LHFPL2: variants seen among roughly 807,000 people sequenced by gnomAD.
LHFPL2 encodes the protein LHFPL tetraspan subfamily member 2 protein.
LHFPL2 carries 7 observed loss-of-function variants against 17.5 expected under a neutral mutation model. The observed-to-expected ratio is 0.40, with a 90% CI of 0.23 to 0.75. The LOEUF is 0.75. Among genes scored for constraint, LHFPL2 ranks in the 30% least tolerant of loss-of-function variants. The probability of loss-of-function intolerance (pLI) is 0.37; values close to 1 mark genes in which losing one functional copy is unlikely to be tolerated. For synonymous variants in LHFPL2, 134 were observed against 116.2 expected, an observed-to-expected ratio of 1.15 and a Z score of -0.99; for missense variants, 241 against 294.8, an observed-to-expected ratio of 0.82 and a Z score of 1.34.
intron 2 of LHFPL2, among the ~76,000 whole-genome samples, chr5:78,609,450 C>CAAAAAAAAAAAAAAAA (rs71613975): frequency 3.2e-4 from 13 of 40,682 alleles, no homozygotes; most frequent in African/African-American, 1.1e-3. Context: ...GACTCAGTCT[C>CAAAAAAAAAAAAAAAA]AAAAAAAAAA....
intron 2 of LHFPL2, among the ~76,000 whole-genome samples, chr5:78,591,185 T>G (rs1410877876): frequency 6.6e-6 from 1 of 152,174 alleles, no homozygotes; most frequent in Non-Finnish European, 1.5e-5. Context: ...AATGACTTGG[T>G]GTGTACATGT....
intron 4 of LHFPL2, among the ~76,000 whole-genome samples, chr5:78,508,433 T>C (rs73138147): frequency 0.076 from 11,522 of 152,136 alleles, 1,420 homozygotes; most frequent in African/African-American, 0.25. Context: ...TATTCCCCCA[T>C]GAAAGCAAAT....
Position 78,486,814 on chromosome 5 carries a change from G to A in LHFPL2, c.*2083C>T, listed in dbSNP as rs1754258613. On this transcript the variant is annotated 3_prime_UTR_variant, in exon 5 of 5. Coordinates refer to ENST00000380345, the MANE Select transcript of LHFPL2 (RefSeq NM_005779.3). ...ATGCTCGGAGGATCCTGTGAGCTTA[G>A]GACTTAACTTGTAAGGACACTGAGA... is the stretch of plus-strand genomic sequence containing the variant. The A allele has an allele frequency of 6.6e-6, 1 of 152,148 alleles. No individual in the cohort carries two copies. The highest frequency in any genetic ancestry group is 2.4e-5 in the African/African-American group (1 of 41,422). The allele number at this position is 152,148 out of a possible 1,614,324, so 9.4% of individuals were successfully genotyped here.
rs933569069 is a variant in LHFPL2 at position 78,501,847 on chromosome 5, AAG to A, written c.430+7935_430+7936del. On this transcript the variant is annotated intron_variant, in intron 4 of 4. Coordinates refer to ENST00000380345, the MANE Select transcript of LHFPL2 (RefSeq NM_005779.3). ...AAGTCAAAGGGTTTCCTGGCAATAA[AAG>A]AGTTTTTGTGAATGACTACAGCATC... Among the ~76,000 whole-genome samples the A allele has an allele frequency of 4.7e-4, 72 of 152,214 alleles. 1 individual carries two copies. The highest frequency in any genetic ancestry group is 1.6e-3 in the African/African-American group (67 of 41,456).
In LHFPL2 at chr5:78,526,625, G is replaced by A. The variant is rs146200821; in HGVS notation, c.-185-16227C>T. 5.3e-4 allele frequency among the ~76,000 whole-genome samples: 80 copies of A among 152,286 alleles called. 1 individual carries two copies. In the East Asian group the frequency reaches 0.013, roughly 24 times the overall value. ...AGTGGGCTTGTGCCTAGTGCTTAAG[G>A]CTGCACACTTTAACATTCAACAATG... On this transcript the variant is annotated intron_variant, in intron 3 of 4. Coordinates refer to ENST00000380345, the MANE Select transcript of LHFPL2 (RefSeq NM_005779.3).
chr5:78,566,062 T>C (rs530746537), intron 2 of LHFPL2, among the ~76,000 whole-genome samples: 82 of 152,254 alleles, frequency 5.4e-4, no homozygotes, highest in South Asian at 4.4e-3. Flanking sequence ...GTAATTGGGG[T>C]GTATAAATAT....
Position 78,594,322 on chromosome 5 carries a change from C to G in LHFPL2, c.-244-29451G>C, listed in dbSNP as rs545348378. The stretch of plus-strand genomic sequence containing the variant: ...TAGACATCCTCCGACTCAACTTGGG[C>G]AGGATGTCAGCTAACTGTGTGGCCT... On this transcript the variant is annotated intron_variant, in intron 2 of 4. Transcript: ENST00000380345. Among the ~76,000 whole-genome samples, 34 of 152,314 alleles carry G rather than the reference C, an allele frequency of 2.2e-4. No homozygotes were observed. The East Asian group carries it at 5.8e-3, about 26-fold the overall frequency.
intron 3 of LHFPL2, among the ~76,000 whole-genome samples, chr5:78,539,231 G>C (rs1235619620): frequency 1.3e-5 from 2 of 152,198 alleles, no homozygotes; most frequent in African/African-American, 2.4e-5. Flanking sequence ...CTTGGAAGCG[G>C]ATAGCAGCCC....
chr5:78,496,024 G>A (rs1393096987), intron 4 of LHFPL2, among the ~76,000 whole-genome samples: 2 of 152,078 alleles, frequency 1.3e-5, no homozygotes, highest in East Asian at 3.8e-4. Flanking sequence ...TTGCCTCCCC[G>A]GGAAATGTTT....
At chr5:78,618,510 G>C (rs1377666633) in intron 2 of LHFPL2, among the ~76,000 whole-genome samples, 1 of 152,334 alleles carries the variant, frequency 6.6e-6, no homozygotes, top group East Asian at 1.9e-4. Context: ...GTCCAGATAA[G>C]AACATCCACT....
chr5:78,542,430 T>G (rs1756141034), intron 3 of LHFPL2, among the ~76,000 whole-genome samples: 1 of 152,164 alleles, frequency 6.6e-6, no homozygotes, highest in Non-Finnish European at 1.5e-5. Flanking sequence ...CTTCCAGGAA[T>G]CACCCTAGTG....
Position 78,490,729 on chromosome 5 carries a change from AGAGT to A in LHFPL2, c.431-1580_431-1577del, listed in dbSNP as rs1455058335. 3.2e-4 allele frequency among the ~76,000 whole-genome samples: 41 copies of A among 126,506 alleles called. 1 individual carries two copies. Among genetic ancestry groups the A allele is most frequent in the Non-Finnish European group, 6.2e-4 (39 of 62,718 alleles). 83.0% of individuals were successfully genotyped at this position (126,506 alleles called of 152,430 possible). A position where few individuals can be genotyped will look rare whatever the true frequency, so the allele number is the denominator to read the frequency against. On this transcript the variant is annotated intron_variant, in intron 4 of 4. Transcript: ENST00000380345. ...GGCCACTGCACTCCAGCCTGGCAAA[AGAGT>A]GAGACTCCCTCTCAAAAAAAAAAAA...
chr5:78,612,724 A>G (rs1744462704), intron 2 of LHFPL2, among the ~76,000 whole-genome samples: 2 of 152,252 alleles, frequency 1.3e-5, no homozygotes, highest in Non-Finnish European at 2.9e-5. Flanking sequence ...CAGCTCCAGT[A>G]AACAGCGACA....
At chr5:78,501,208 A>G (rs1754762296) in intron 4 of LHFPL2, among the ~76,000 whole-genome samples, 1 of 152,244 alleles carries the variant, frequency 6.6e-6, no homozygotes, top group South Asian at 2.1e-4. Context: ...AGCCTTTATT[A>G]TCTCCTCTCA....
chr5:78,590,510 A>C (rs1454982523), intron 2 of LHFPL2, among the ~76,000 whole-genome samples: 1 of 152,172 alleles, frequency 6.6e-6, no homozygotes, highest in African/African-American at 2.4e-5. Context: ...GATGTTATTC[A>C]ATTTTTTTTT....
At position 78,642,976 on chromosome 5, in the gene LHFPL2, C is replaced by G. The variant is rs76141939; in HGVS notation, c.-350+5523G>C. Among the ~76,000 whole-genome samples, 1,083 of 152,280 alleles carry G rather than the reference C, an allele frequency of 7.1e-3. 6 individuals are homozygous for G. Among genetic ancestry groups the G allele is most frequent in the African/African-American group, 0.024 (1,012 of 41,546 alleles). ...GCCTCCCAGCTCACCTTGTTCCCCCCCCTCCTTGTTACCTAGCCCACCTTA... is the reference window on the plus strand; with the variant it reads ...GCCTCCCAGCTCACCTTGTTCCCCCGCCTCCTTGTTACCTAGCCCACCTTA... On this transcript the variant is annotated intron_variant, in intron 1 of 4. Coordinates refer to ENST00000380345, the MANE Select transcript of LHFPL2 (RefSeq NM_005779.3).
At position 78,488,742 on chromosome 5, in the gene LHFPL2, GCTGGATGTGGCC is replaced by G; in HGVS notation, c.*143_*154del. On this transcript the variant is annotated 3_prime_UTR_variant, in exon 5 of 5. Coordinates refer to ENST00000380345, the MANE Select transcript of LHFPL2 (RefSeq NM_005779.3). ...ACCGCATGTCCAGTAACTTTGCGTA[GCTGGATGTGGCC>G]TCTCATTGGTCCTGTTTAAGCCTCG... 2.7e-6 allele frequency: 2 copies of G among 746,080 alleles called. No homozygotes were observed. The highest frequency in any genetic ancestry group is 4.5e-6 in the Non-Finnish European group (2 of 447,386). The allele number at this position is 746,080 out of a possible 1,614,324, so 46.2% of individuals were successfully genotyped here.
In LHFPL2 at chr5:78,648,095, G is replaced by C. The variant is rs1199747435; in HGVS notation, c.-350+404C>G. ...GCGACCACGGGGCGGCCCCCAGGGA[G>C]CGGTGCCAGGCGCGCTGGAACCCGG... On this transcript the variant is annotated intron_variant, in intron 1 of 4. Coordinates refer to ENST00000380345, the MANE Select transcript of LHFPL2 (RefSeq NM_005779.3). The surrounding 1 kb of genome is among the most constrained non-coding windows in gnomAD (Gnocchi z 5.4). 6.6e-6 allele frequency among the ~76,000 whole-genome samples: 1 copy of C among 152,182 alleles called. No individual in the cohort carries two copies. The highest frequency in any genetic ancestry group is 1.5e-5 in the Non-Finnish European group (1 of 68,020).
chr5:78,598,147 G>T (rs10080116), intron 2 of LHFPL2, among the ~76,000 whole-genome samples: 2 of 152,060 alleles, frequency 1.3e-5, no homozygotes, highest in East Asian at 3.8e-4. Flanking sequence ...ACTCACAGGA[G>T]CATGAAGGGA....
Sources: gnomAD v4.1 joint callset for allele counts (sites outside exome capture counted in the v4.1 genomes callset) on GRCh38, gnomAD v4.1.1 for gene constraint, Gnocchi (gnomAD v3.1) non-coding constraint, MANE v1.5 for transcripts, NCBI Gene and HGNC (gene_info 2026-07-23, HGNC 2026-07-21) for gene names.